The following TENM3 variants were observed in gnomAD, a reference collection of about 807,000 sequenced individuals.
TENM3 encodes teneurin-3.
In TENM3, 63 loss-of-function variants were observed where a neutral mutation model predicts 255.1. The observed-to-expected ratio is 0.25, with a 90% CI of 0.20 to 0.30. The LOEUF (loss-of-function observed/expected upper bound fraction) is 0.30. TENM3 is among the 10% of genes least tolerant of loss of function. The probability of loss-of-function intolerance (pLI) is 1.00; values close to 1 mark genes in which losing one functional copy is unlikely to be tolerated. For synonymous variants in TENM3, 1,306 were observed against 1,322.3 expected (o/e 0.99, Z 0.27); for missense variants, 2,929 against 3,461.1 (o/e 0.85, Z 3.86).
At chr4:182,428,691 T>G (rs895914381) in intron 3 of TENM3, among the ~76,000 whole-genome samples, 1 of 152,010 alleles carries the variant, frequency 6.6e-6, no homozygotes, top group Non-Finnish European at 1.5e-5. Flanking sequence ...TAACCATAAA[T>G]GTATATATTA....
At chr4:182,562,263 C>T (rs1266629336) in intron 3 of TENM3, among the ~76,000 whole-genome samples, 1 of 152,132 alleles carries the variant, frequency 6.6e-6, no homozygotes, top group Non-Finnish European at 1.5e-5. Flanking sequence ...TAAGTAGACA[C>T]AGTCAAATCA....
chr4:182,105,681 C>G, the TENM3 span, among the ~76,000 whole-genome samples: 1 of 152,162 alleles, frequency 6.6e-6, no homozygotes, highest in African/African-American at 2.4e-5. Flanking sequence ...CTACATAGAG[C>G]GTTGCCAACC....
intron 3 of TENM3, among the ~76,000 whole-genome samples, chr4:182,491,444 C>T (rs1327427953): frequency 1.3e-5 from 2 of 151,968 alleles, no homozygotes; most frequent in Non-Finnish European, 2.9e-5. Flanking sequence ...CGATCAAACT[C>T]ACTAGCCATA....
At chr4:182,391,850 TC>T (rs1181268792) in intron 3 of TENM3, among the ~76,000 whole-genome samples, 3 of 152,104 alleles carry the variant, frequency 2.0e-5, no homozygotes, top group Admixed American at 1.3e-4. Flanking sequence ...ATGGTTGACT[TC>T]TTCCTCTACA....
intron 3 of TENM3, among the ~76,000 whole-genome samples, chr4:182,557,020 C>A (rs955781083): frequency 6.6e-6 from 1 of 152,136 alleles, no homozygotes; most frequent in Non-Finnish European, 1.5e-5. Context: ...GTACTGAAAA[C>A]CAGTTGCTAA....
At chr4:182,180,411 T>C (rs1752767054) in intron 1 of TENM3, among the ~76,000 whole-genome samples, 1 of 152,156 alleles carries the variant, frequency 6.6e-6, no homozygotes, top group African/African-American at 2.4e-5. Context: ...AATCCTGCTT[T>C]GACATCTTTC....
chr4:181,783,569 T>C, the TENM3 span, among the ~76,000 whole-genome samples: 182 of 152,318 alleles, frequency 1.2e-3, 1 homozygote, highest in South Asian at 0.034. Context: ...TTTATTCCCA[T>C]CCTAAAAGTT....
At chr4:182,667,670 G>A (rs1273613469) in intron 6 of TENM3, among the ~76,000 whole-genome samples, 1 of 151,954 alleles carries the variant, frequency 6.6e-6, no homozygotes, top group Non-Finnish European at 1.5e-5. Flanking sequence ...TACATTTCAT[G>A]TTTCTTACCT....
intron 3 of TENM3, among the ~76,000 whole-genome samples, chr4:182,412,535 C>T (rs970688001): frequency 6.6e-6 from 1 of 151,956 alleles, no homozygotes; most frequent in Non-Finnish European, 1.5e-5. Flanking sequence ...TTGATATTCT[C>T]AGAGTAATAA....
chr4:182,391,059 A>T (rs1417377456), intron 3 of TENM3, among the ~76,000 whole-genome samples: 1 of 152,202 alleles, frequency 6.6e-6, no homozygotes, highest in Non-Finnish European at 1.5e-5. Flanking sequence ...TTATTTAATG[A>T]TGTTCTCAGC....
chr4:182,055,836 C>T, the TENM3 span, among the ~76,000 whole-genome samples: 30 of 151,994 alleles, frequency 2.0e-4, no homozygotes, highest in East Asian at 3.3e-3. Flanking sequence ...AAGATAAGTG[C>T]GTATATCATA....
At chr4:181,887,726 T>C in the TENM3 span, among the ~76,000 whole-genome samples, 162 of 152,312 alleles carry the variant, frequency 1.1e-3, no homozygotes, top group Non-Finnish European at 1.7e-3. Flanking sequence ...ATACATTGGA[T>C]AATTGTATAT....
At chr4:181,504,214 A>T in the TENM3 span, among the ~76,000 whole-genome samples, 1 of 152,198 alleles carries the variant, frequency 6.6e-6, no homozygotes, top group Admixed American at 6.5e-5. Context: ...GCTTGGAAAC[A>T]GCCAACTTCC....
chr4:182,516,487 G>A (rs984121314), intron 3 of TENM3, among the ~76,000 whole-genome samples: 5 of 152,218 alleles, frequency 3.3e-5, no homozygotes, highest in South Asian at 2.1e-4. Context: ...CCTACCTCAC[G>A]GCCAAACACT....
chr4:181,974,907 C>G, the TENM3 span, among the ~76,000 whole-genome samples: 1 of 151,994 alleles, frequency 6.6e-6, no homozygotes, highest in African/African-American at 2.4e-5. Flanking sequence ...ACATTGTAAC[C>G]GATAGGTAAT....
In TENM3 at chr4:182,284,445, G is replaced by A. The variant is rs181107886; in HGVS notation, c.-75-39501G>A. On this transcript the variant is annotated intron_variant, in intron 1 of 27. Coordinates refer to ENST00000511685, the MANE Select transcript of TENM3 (RefSeq NM_001080477.4). Reference sequence around the variant, plus strand: ...AGTCTGGTATTTTAAATCTATCTGCGGATCGTACTGGTCAGCATTATAATA... The same window carrying A: ...AGTCTGGTATTTTAAATCTATCTGCAGATCGTACTGGTCAGCATTATAATA... Among the ~76,000 whole-genome samples the A allele has an allele frequency of 7.2e-5, 11 of 152,158 alleles. No homozygotes were observed. In the East Asian group the frequency reaches 9.6e-4, roughly 13 times the overall value.
intron 1 of TENM3, among the ~76,000 whole-genome samples, chr4:182,152,807 G>T (rs1010256008): frequency 4.0e-5 from 6 of 151,774 alleles, no homozygotes; most frequent in Admixed American, 2.6e-4. Context: ...TATGATAGTA[G>T]ATGCTACAGA....
chr4:182,726,875 G>A (rs1034620602), intron 13 of TENM3, among the ~76,000 whole-genome samples: 1 of 152,152 alleles, frequency 6.6e-6, no homozygotes, highest in African/African-American at 2.4e-5. Context: ...GTCAGATAAT[G>A]AAGGAGCAAG....
chr4:181,495,261 C>G, the TENM3 span, among the ~76,000 whole-genome samples: 6 of 152,114 alleles, frequency 3.9e-5, no homozygotes, highest in Non-Finnish European at 5.9e-5. Context: ...GGGCTACAAA[C>G]TAAAGGAGTC....
Sources: gnomAD v4.1 joint callset for allele counts (sites outside exome capture counted in the v4.1 genomes callset) on GRCh38, gnomAD v4.1.1 for gene constraint, MANE v1.5 for transcripts, NCBI Gene and HGNC (gene_info 2026-07-23, HGNC 2026-07-21) for gene names.